The following PDCD1 variants were observed in gnomAD, a reference collection of about 807,000 sequenced individuals.
The protein encoded by PDCD1 is programmed cell death 1, also known as programmed cell death protein 1.
Under a neutral mutation model 23.6 loss-of-function variants are expected in PDCD1, and 10 were observed. The ratio of observed to expected loss-of-function variants is 0.42; its 90% confidence interval spans 0.26 to 0.72. The LOEUF (loss-of-function observed/expected upper bound fraction) is 0.72, where lower values mean the gene tolerates loss of function less well. Ranked by LOEUF, PDCD1 falls within the 30% of genes least tolerant of loss-of-function variation. The pLI, the probability that PDCD1 is intolerant of heterozygous loss-of-function variation, is 0.24. For synonymous variants in PDCD1, 168 were observed against 169.3 expected (o/e 0.99, Z 0.06); for missense variants, 313 against 397.8 (o/e 0.79, Z 1.81).
At chr2:241,852,149 C>A in intron 3 of PDCD1, 49 bp downstream of exon 3, 1 of 1,573,834 alleles carries the variant, frequency 6.4e-7, no homozygotes, top group Non-Finnish European at 8.6e-7. Context: ...GAGTGAGGGC[C>A]GCCAGCAGGG....
At chr2:241,852,073 T>G in intron 3 of PDCD1, 90 bp from the exon 4 acceptor site, 4 of 1,364,912 alleles carry the variant, frequency 2.9e-6, no homozygotes, top group Non-Finnish European at 3.9e-6. Flanking sequence ...CATCAGGGAC[T>G]TAGCCTGGCG....
intron 1 of PDCD1, among the ~76,000 whole-genome samples, chr2:241,853,575 C>A (rs1249997086): frequency 6.6e-6 from 1 of 152,252 alleles, no homozygotes; most frequent in Admixed American, 6.5e-5. Context: ...GAGCTCACAG[C>A]AAAGATGCTT....
intron 4 of PDCD1, 75 bp downstream of exon 4, chr2:241,851,874 C>A: frequency 7.1e-7 from 1 of 1,405,510 alleles, no homozygotes; most frequent in Non-Finnish European, 1.0e-6. Context: ...CCGTGTGGTC[C>A]CAGCCTGTCC....
chr2:241,854,366 T>C (rs1036656460), intron 1 of PDCD1, among the ~76,000 whole-genome samples: 3 of 152,204 alleles, frequency 2.0e-5, no homozygotes, highest in African/African-American at 7.2e-5. Flanking sequence ...GCCCCCTCTC[T>C]GAGACCGCCC....
intron 1 of PDCD1, among the ~76,000 whole-genome samples, chr2:241,856,810 C>T (rs1160821821): frequency 6.6e-6 from 1 of 152,222 alleles, no homozygotes; most frequent in African/African-American, 2.4e-5. Flanking sequence ...GAGCAAGACC[C>T]TGTCACTAAA....
chr2:241,857,675 A>G (rs1479420631), intron 1 of PDCD1, among the ~76,000 whole-genome samples: 5 of 152,250 alleles, frequency 3.3e-5, no homozygotes, highest in Admixed American at 1.3e-4. Context: ...CCTGACAAGG[A>G]TGCTGCCTCA....
chr2:241,850,716 G>A lies in PDCD1; in HGVS notation c.*342C>T. The stretch of plus-strand genomic sequence containing the variant: ...CAGGGCCACGGCGCCTTCAGCCCCG[G>A]GCCGCAGGCAGCAGCAGCAGCAGCA... On this transcript the variant is annotated 3_prime_UTR_variant, in exon 5 of 5. Transcript: ENST00000334409. The A allele has an allele frequency of 3.5e-6, 2 of 567,346 alleles. No individual in the cohort carries two copies. The highest frequency in any genetic ancestry group is 3.3e-6 in the Non-Finnish European group (1 of 302,082). 35.1% of individuals were successfully genotyped at this position (567,346 alleles called of 1,614,324 possible).
At chr2:241,858,407 C>A (rs1346168301) in intron 1 of PDCD1, among the ~76,000 whole-genome samples, 1 of 152,228 alleles carries the variant, frequency 6.6e-6, no homozygotes, top group African/African-American at 2.4e-5. Context: ...TCTACAGAAA[C>A]ACGCAGCCCC....
intron 1 of PDCD1, among the ~76,000 whole-genome samples, chr2:241,853,239 C>G (rs1309279786): frequency 6.6e-6 from 1 of 151,300 alleles, no homozygotes; most frequent in African/African-American, 2.4e-5. Flanking sequence ...CTACTAAGAG[C>G]CTTCACCCCC....
chr2:241,858,346 G>A (rs1234050267), intron 1 of PDCD1, among the ~76,000 whole-genome samples: 5 of 152,224 alleles, frequency 3.3e-5, no homozygotes, highest in Non-Finnish European at 7.3e-5. Context: ...GAGCCGCCAC[G>A]CAGACTCCCC....
chr2:241,856,899 T>G (rs1701039427), intron 1 of PDCD1, among the ~76,000 whole-genome samples: 1 of 152,226 alleles, frequency 6.6e-6, no homozygotes, highest in African/African-American at 2.4e-5. Context: ...GGACGCAGCC[T>G]TGCCAGGAGG....
chr2:241,851,961 G>C lies in PDCD1; in HGVS notation c.615C>G (p.Thr205=), dbSNP rs146821282. 6.2e-7 allele frequency: 1 copy of C among 1,613,506 alleles called. No homozygotes were observed. Among genetic ancestry groups the C allele is most frequent in the African/African-American group, 1.3e-5 (1 of 74,886 alleles). The change falls in exon 4 of 5, where the codon ACC becomes ACG. Residue 205 remains threonine (T), a synonymous_variant. Coordinates refer to ENST00000334409, the MANE Select transcript of PDCD1 (RefSeq NM_005018.3). ...GAGTGAGACTCACCAGGGGCTGGCC[G>C]GTGCGCCTGGCTCCTATTGTCCCTG... ...AARGTIGARR[T]GQPLKEDPSA... is the part of the protein sequence containing the mutation.
intron 3 of PDCD1, 96 bp downstream of exon 3, chr2:241,852,102 G>T: frequency 1.4e-6 from 2 of 1,458,742 alleles, no homozygotes; most frequent in Non-Finnish European, 9.3e-7. Context: ...GGGGGAGGTG[G>T]GGTGGGGTGA....
chr2:241,858,057 G>A (rs1701064797), intron 1 of PDCD1, among the ~76,000 whole-genome samples: 1 of 152,190 alleles, frequency 6.6e-6, no homozygotes, highest in Non-Finnish European at 1.5e-5. Context: ...CTCGATCCGG[G>A]AGAGTGAGGC....
Position 241,852,265 on chromosome 2 carries a change from G to C in PDCD1, c.525C>G (p.Gly175=). 1.2e-6 allele frequency: 2 copies of C among 1,611,394 alleles called. No individual in the cohort carries two copies. The highest frequency in any genetic ancestry group is 1.7e-6 in the Non-Finnish European group (2 of 1,179,512). The change falls in exon 3 of 5, where the codon GGC becomes GGG. Residue 175 remains glycine (G), a synonymous_variant. Coordinates refer to ENST00000334409, the MANE Select transcript of PDCD1 (RefSeq NM_005018.3). ...GCAGCACCAGGCTGCCCAGCAGGCC[G>C]CCCACGACACCAACCACCAGGGTTT... ...QFQTLVVGVV[G]GLLGSLVLLV...
At chr2:241,852,487 G>T in intron 2 of PDCD1, 134 bp from the exon 3 acceptor site, 3 of 1,209,960 alleles carry the variant, frequency 2.5e-6, no homozygotes, top group Middle Eastern at 2.9e-4. Context: ...TTCCCCAGGT[G>T]CAGGACAGAG....
chr2:241,851,804 T>A, intron 4 of PDCD1, 145 bp downstream of exon 4: 2 of 850,624 alleles, frequency 2.4e-6, no homozygotes, highest in Non-Finnish European at 3.9e-6. Flanking sequence ...GGGATTGAGG[T>A]TGCTGCCTGG....
chr2:241,856,875 C>T (rs950263935), intron 1 of PDCD1, among the ~76,000 whole-genome samples: 1 of 152,166 alleles, frequency 6.6e-6, no homozygotes, highest in Non-Finnish European at 1.5e-5. Context: ...ACAGATGACC[C>T]GATTTAATCC....
chr2:241,852,788 C>T lies in PDCD1; in HGVS notation c.269G>A (p.Gly90Asp), dbSNP rs144257658. Reference sequence around the variant, plus strand: ...TGTGACACGGAAGCGGCAGTCCTGGCCGGGCTGGCTGCGGTCCTCGGGGAA... The same window carrying T: ...TGTGACACGGAAGCGGCAGTCCTGGTCGGGCTGGCTGCGGTCCTCGGGGAA... ...AAFPEDRSQPGQDCRFRVTQL... is the reference protein window; with the variant it reads ...AAFPEDRSQPDQDCRFRVTQL... The change falls in exon 2 of 5, where the codon GGC becomes GAC. Residue 90 changes from glycine to aspartate, a missense_variant. Coordinates refer to ENST00000334409, the MANE Select transcript of PDCD1 (RefSeq NM_005018.3). 1 of 1,613,814 alleles carries T rather than the reference C, an allele frequency of 6.2e-7. No individual in the cohort carries two copies. The highest frequency in any genetic ancestry group is 1.6e-4 in the Middle Eastern group (1 of 6,062).
Sources: gnomAD v4.1 joint callset for allele counts (sites outside exome capture counted in the v4.1 genomes callset) on GRCh38, gnomAD v4.1.1 for gene constraint, MANE v1.5 for transcripts, NCBI Gene and HGNC (gene_info 2026-07-23, HGNC 2026-07-21) for gene names.